HORMAD1: variants seen among roughly 807,000 people sequenced by gnomAD.
HORMAD1 encodes the protein HORMA domain-containing protein 1.
HORMAD1 carries 33 observed loss-of-function variants against 58.2 expected under a neutral mutation model. That is an observed-to-expected ratio of 0.57 (90% CI 0.43 to 0.76). The LOEUF (loss-of-function observed/expected upper bound fraction) is 0.76. Among genes scored for constraint, HORMAD1 ranks in the 30% least tolerant of loss-of-function variants. The pLI is 0.00. For missense variants in HORMAD1, 363 were observed against 462.0 expected (o/e 0.79, Z 1.96); for synonymous variants, 137 against 144.6 (o/e 0.95, Z 0.38).
rs1416679858 is a variant in HORMAD1 at position 150,703,411 on chromosome 1, T to A, written c.949-18A>T. 2 of 1,336,064 alleles carry A rather than the reference T, an allele frequency of 1.5e-6. No individual in the cohort carries two copies. The highest frequency in any genetic ancestry group is 2.0e-5 in the Admixed American group (1 of 49,988). 82.8% of individuals were successfully genotyped at this position (1,336,064 alleles called of 1,614,324 possible). The stretch of plus-strand genomic sequence containing the variant: ...TGCTCAACCTAAAAAAGAAAATAAT[T>A]ACAAAAAATATAACTTAGTATAATA... On this transcript the variant is annotated intron_variant, in intron 12 of 14. Coordinates refer to ENST00000361824, the MANE Select transcript of HORMAD1 (RefSeq NM_032132.5).
chr1:150,709,254 C>T (rs2101865932), intron 7 of HORMAD1, among the ~76,000 whole-genome samples: 1 of 152,258 alleles, frequency 6.6e-6, no homozygotes, highest in East Asian at 1.9e-4. Context: ...TAAGAGACTC[C>T]ATTTTGAAAA....
rs1652106871 is a variant in HORMAD1 at position 150,717,172 on chromosome 1, G to A, written c.144C>T (p.Phe48=). ...VSCITYLRGI[F]PECAYGTRYL... ...ATCTTGTTCCATAAGCGCATTCTGG[G>A]AATATTCCCCTCAAATACGTGATAC... The change falls in exon 3 of 15, where the codon TTC becomes TTT. Residue 48 remains phenylalanine, a synonymous_variant. Coordinates refer to ENST00000361824, the MANE Select transcript of HORMAD1 (RefSeq NM_032132.5). The A allele has an allele frequency of 6.3e-7, 1 of 1,585,698 alleles. No individual in the cohort carries two copies. The highest frequency in any genetic ancestry group is 1.4e-5 in the African/African-American group (1 of 73,868).
intron 10 of HORMAD1, among the ~76,000 whole-genome samples, chr1:150,704,880 T>TA (rs1416508044): frequency 6.6e-6 from 1 of 151,620 alleles, no homozygotes; most frequent in Non-Finnish European, 1.5e-5. Context: ...TCGTCTCTAC[T>TA]AAAAATACAA....
chr1:150,720,350 C>T (rs1380087859), intron 1 of HORMAD1, among the ~76,000 whole-genome samples: 2 of 152,106 alleles, frequency 1.3e-5, no homozygotes, highest in African/African-American at 2.4e-5. Context: ...CGTGAAGCAC[C>T]GTGCCCGGCC....
At chr1:150,720,105 C>G (rs1226014122) in intron 1 of HORMAD1, among the ~76,000 whole-genome samples, 1 of 149,754 alleles carries the variant, frequency 6.7e-6, no homozygotes, top group African/African-American at 2.5e-5. Context: ...GACGGTGTCT[C>G]TCTCTGTTGC....
intron 14 of HORMAD1, among the ~76,000 whole-genome samples, 156 bp downstream of exon 14, chr1:150,699,956 C>T (rs1357869797): frequency 6.6e-6 from 1 of 152,024 alleles, no homozygotes; most frequent in Non-Finnish European, 1.5e-5. Context: ...AAAATCACCT[C>T]GATTTTTAGA....
chr1:150,710,110 A>G (rs187821619), intron 7 of HORMAD1, among the ~76,000 whole-genome samples: 82 of 151,938 alleles, frequency 5.4e-4, no homozygotes, highest in African/African-American at 1.9e-3. Context: ...TGGGCCTACT[A>G]TTGTTTCTCT....
rs960424351 is a variant in HORMAD1, at chr1:150,709,047, T to C, written c.328-86A>G. Reference sequence around the variant, plus strand: ...TATTCTGTTTTGTATGACTCAACATTTAGTCAATACTTTTTTCTGCCATAT... The same window carrying C: ...TATTCTGTTTTGTATGACTCAACATCTAGTCAATACTTTTTTCTGCCATAT... On this transcript the variant is annotated intron_variant, in intron 7 of 14. Coordinates refer to ENST00000361824, the MANE Select transcript of HORMAD1 (RefSeq NM_032132.5). 1.3e-4 allele frequency: 97 copies of C among 720,342 alleles called. 2 individuals are homozygous for C. The Middle Eastern group carries it at 5.1e-3, about 38-fold the overall frequency. The allele number at this position is 720,342 out of a possible 1,614,324, so 44.6% of individuals were successfully genotyped here.
Position 150,700,102 on chromosome 1 carries a change from T to A in HORMAD1, c.1104+10A>T. 1 of 1,323,040 alleles carries A rather than the reference T, an allele frequency of 7.6e-7. No individual in the cohort carries two copies. The highest frequency in any genetic ancestry group is 1.2e-5 in the South Asian group (1 of 84,994). 82.0% of individuals were successfully genotyped at this position (1,323,040 alleles called of 1,614,324 possible). Reference sequence around the variant, plus strand: ...ATTGTATTCAAACTATACATTATCATAAGACTTACTATTCTCCCAGATTCA... The same window carrying A: ...ATTGTATTCAAACTATACATTATCAAAAGACTTACTATTCTCCCAGATTCA... On this transcript the variant is annotated intron_variant, in intron 14 of 14. Transcript: ENST00000361824.
At chr1:150,710,584 T>G (rs1365428816) in intron 7 of HORMAD1, among the ~76,000 whole-genome samples, 2 of 152,192 alleles carry the variant, frequency 1.3e-5, no homozygotes, top group Non-Finnish European at 2.9e-5. Context: ...AACAATCAAT[T>G]AGTTTTCTGA....
At chr1:150,705,377 T>C (rs1651662463) in intron 10 of HORMAD1, among the ~76,000 whole-genome samples, 1 of 151,230 alleles carries the variant, frequency 6.6e-6, no homozygotes. Flanking sequence ...AATACAAAAT[T>C]AGCCAGGCAT....
chr1:150,707,388 T>C (rs587706083), intron 9 of HORMAD1, among the ~76,000 whole-genome samples: 1 of 152,368 alleles, frequency 6.6e-6, no homozygotes, highest in Admixed American at 6.5e-5. Context: ...AGTATTCTAT[T>C]ACGCAGATGG....
chr1:150,715,304 C>T (rs1190606581), intron 3 of HORMAD1, among the ~76,000 whole-genome samples: 2 of 151,832 alleles, frequency 1.3e-5, no homozygotes, highest in Non-Finnish European at 2.9e-5. Flanking sequence ...GAATCTTATC[C>T]CAGTAAAATA....
Position 150,698,528 on chromosome 1 carries a change from C to T in HORMAD1, c.*126G>A. ...CCACAATATGACAGTCAGCCAAAAACTTAGTTTTAGTGTACAAACTGCTTT... is the reference window on the plus strand; with the variant it reads ...CCACAATATGACAGTCAGCCAAAAATTTAGTTTTAGTGTACAAACTGCTTT... On this transcript the variant is annotated 3_prime_UTR_variant, in exon 15 of 15. Transcript: ENST00000361824. The T allele has an allele frequency of 4.4e-6, 2 of 453,282 alleles. No individual in the cohort carries two copies. The highest frequency in any genetic ancestry group is 7.9e-6 in the Non-Finnish European group (2 of 252,088). The allele number at this position is 453,282 out of a possible 1,614,324, so 28.1% of individuals were successfully genotyped here.
At chr1:150,703,453 C>T in intron 12 of HORMAD1, 60 bp from the exon 13 acceptor site, 1 of 909,604 alleles carries the variant, frequency 1.1e-6, no homozygotes, top group Non-Finnish European at 1.7e-6. Flanking sequence ...TTTCATAACA[C>T]AATAAATGGG....
rs111749932 is a variant in HORMAD1 at position 150,718,080 on chromosome 1, A to G, written c.34-798T>C. 8.0e-3 allele frequency among the ~76,000 whole-genome samples: 1,221 copies of G among 152,362 alleles called. 9 individuals are homozygous for G. Among genetic ancestry groups the G allele is most frequent in the Non-Finnish European group, 0.011 (733 of 68,038 alleles). Reference sequence around the variant, plus strand: ...AAAAACACCTTTTTGGGACACCCATATAAAGTGTTTTTCAGTTTAATGGTT... The same window carrying G: ...AAAAACACCTTTTTGGGACACCCATGTAAAGTGTTTTTCAGTTTAATGGTT... On this transcript the variant is annotated intron_variant, in intron 2 of 14. Coordinates refer to ENST00000361824, the MANE Select transcript of HORMAD1 (RefSeq NM_032132.5).
intron 14 of HORMAD1, 96 bp from the exon 15 acceptor site, chr1:150,698,830 T>TA: frequency 1.4e-6 from 1 of 711,668 alleles, no homozygotes; most frequent in Non-Finnish European, 2.3e-6. Flanking sequence ...CTCTTCTTTT[T>TA]AAAAAAATTT....
rs1328094320 is a variant in HORMAD1, at chr1:150,698,223, T to C, written c.*431A>G. On this transcript the variant is annotated 3_prime_UTR_variant, in exon 15 of 15. Transcript: ENST00000361824. ...CATTATGTCAAAATATTGAAGAACATTGTTTTAATAACAGCACAATGACAA... is the reference window on the plus strand; with the variant it reads ...CATTATGTCAAAATATTGAAGAACACTGTTTTAATAACAGCACAATGACAA... 6.6e-6 allele frequency: 1 copy of C among 152,416 alleles called. No individual in the cohort carries two copies. Among genetic ancestry groups the C allele is most frequent in the Non-Finnish European group, 1.5e-5 (1 of 68,210 alleles). 9.4% of individuals were successfully genotyped at this position (152,416 alleles called of 1,614,324 possible). A position where few individuals can be genotyped will look rare whatever the true frequency, so the allele number is the denominator to read the frequency against.
chr1:150,699,565 G>A (rs182497135), intron 14 of HORMAD1, among the ~76,000 whole-genome samples: 11 of 149,598 alleles, frequency 7.4e-5, no homozygotes, highest in Admixed American at 4.7e-4. Context: ...TTGGTCTGTC[G>A]CCAGGCTGTA....
Sources: allele counts gnomAD v4.1 joint callset (sites outside exome capture counted in the v4.1 genomes callset), GRCh38; gene constraint gnomAD v4.1.1; transcripts MANE v1.5; gene names NCBI Gene and HGNC (gene_info 2026-07-23, HGNC 2026-07-21).